ZC3H18: variants seen among roughly 807,000 people sequenced by gnomAD.
The protein encoded by ZC3H18 is zinc finger CCCH domain-containing protein 18.
Under a neutral mutation model 106.1 loss-of-function variants are expected in ZC3H18, and 8 were observed. The ratio of observed to expected loss-of-function variants is 0.08; its 90% CI spans 0.04 to 0.14. The LOEUF (loss-of-function observed/expected upper bound fraction) is 0.14. Among genes scored for constraint, ZC3H18 ranks in the 10% least tolerant of loss-of-function variants. ZC3H18 has a pLI of 1.00. For synonymous variants in ZC3H18, 635 were observed against 522.1 expected, an observed-to-expected ratio of 1.22 and a Z score of -2.95; for missense variants, 1,318 against 1,278.4, an observed-to-expected ratio of 1.03 and a Z score of -0.47.
At chr16:88,576,504 T>G (rs1467375540) in intron 1 of ZC3H18, among the ~76,000 whole-genome samples, 1 of 152,008 alleles carries the variant, frequency 6.6e-6, no homozygotes, top group African/African-American at 2.4e-5. Flanking sequence ...GAGGGGCCAG[T>G]GAACACGCAG....
rs560418418 is a variant in ZC3H18 at position 88,624,177 on chromosome 16, C to T, written c.1898+115C>T. 2.8e-6 allele frequency: 4 copies of T among 1,436,332 alleles called. No homozygotes were observed. The South Asian group carries it at 3.9e-5, about 14-fold the overall frequency. 89.0% of individuals were successfully genotyped at this position (1,436,332 alleles called of 1,614,324 possible). A position where few individuals can be genotyped will look rare whatever the true frequency, so the allele number is the denominator to read the frequency against. On this transcript the variant is annotated intron_variant, in intron 11 of 17. Transcript: ENST00000301011. ...TGGGACCAAAGAGGTGAGGATGCCT[C>T]AGGGGGCTGGCCCCAGGGGGTGACT...
At chr16:88,596,733 G>A (rs982888562) in intron 3 of ZC3H18, among the ~76,000 whole-genome samples, 3 of 152,166 alleles carry the variant, frequency 2.0e-5, no homozygotes, top group Non-Finnish European at 4.4e-5. Flanking sequence ...TTTACAATGA[G>A]CTTTTGTTAC....
intron 8 of ZC3H18, 50 bp downstream of exon 8, chr16:88,611,586 A>C (rs1344149340): frequency 6.5e-7 from 1 of 1,530,644 alleles, no homozygotes; most frequent in African/African-American, 1.4e-5. Context: ...TCCGGCATGC[A>C]GCTCTGTACC....
intron 3 of ZC3H18, 65 bp downstream of exon 3, chr16:88,586,749 C>A: frequency 1.5e-6 from 2 of 1,311,074 alleles, no homozygotes; most frequent in Non-Finnish European, 1.1e-6. Context: ...GGCTGTGGTG[C>A]TGGCTCACCT....
chr16:88,578,319 A>C (rs1220887795), intron 2 of ZC3H18, among the ~76,000 whole-genome samples: 1 of 152,144 alleles, frequency 6.6e-6, no homozygotes, highest in Non-Finnish European at 1.5e-5. Flanking sequence ...TTTGTACATT[A>C]AATTAATGTG....
intron 3 of ZC3H18, among the ~76,000 whole-genome samples, chr16:88,587,844 G>A (rs1309528745): frequency 6.6e-6 from 1 of 152,224 alleles, no homozygotes; most frequent in African/African-American, 2.4e-5. Context: ...TCATTCAGAG[G>A]CAGGCTGTGC....
At chr16:88,592,080 G>A (rs7192603) in intron 3 of ZC3H18, among the ~76,000 whole-genome samples, 1 of 152,334 alleles carries the variant, frequency 6.6e-6, no homozygotes, top group South Asian at 2.1e-4. Flanking sequence ...TATGTTTCAT[G>A]TTTTGAGGAG....
At chr16:88,572,864 TCTCCTGC>T (rs1456389612) in intron 1 of ZC3H18, among the ~76,000 whole-genome samples, 1 of 152,016 alleles carries the variant, frequency 6.6e-6, no homozygotes, top group East Asian at 1.9e-4. Flanking sequence ...TTCAAGTGAT[TCTCCTGC>T]CTCAGCCTCC....
chr16:88,584,744 T>A (rs1385289662), intron 2 of ZC3H18, among the ~76,000 whole-genome samples: 3 of 152,344 alleles, frequency 2.0e-5, no homozygotes, highest in African/African-American at 7.2e-5. Flanking sequence ...GGGTCCTCCC[T>A]CCAATCTTAA....
chr16:88,606,999 A>C (rs1408508944), intron 6 of ZC3H18, among the ~76,000 whole-genome samples: 1 of 152,058 alleles, frequency 6.6e-6, no homozygotes, highest in Non-Finnish European at 1.5e-5. Context: ...TCCTATTGCT[A>C]GTGTACACTT....
intron 2 of ZC3H18, among the ~76,000 whole-genome samples, chr16:88,582,351 A>G (rs970392954): frequency 6.8e-6 from 1 of 146,632 alleles, no homozygotes; most frequent in Non-Finnish European, 1.5e-5. Flanking sequence ...TAGCCTCCCG[A>G]TTAGCTGGGA....
intron 11 of ZC3H18, 37 bp downstream of exon 11, chr16:88,624,099 A>C (rs921239208): frequency 6.3e-7 from 1 of 1,596,350 alleles, no homozygotes; most frequent in Non-Finnish European, 8.5e-7. Flanking sequence ...CTGGCCGGCC[A>C]GGCCTCCACA....
Position 88,598,365 on chromosome 16 carries a change from C to T in ZC3H18, c.837+39C>T, listed in dbSNP as rs887994918. On this transcript the variant is annotated intron_variant, in intron 4 of 17. Transcript: ENST00000301011. ...CTTCTTTCATTGTTAGCACATCAGC[C>T]AACTGAGCTGTGTCTGAATCTCAAG... The T allele has an allele frequency of 2.5e-6, 4 of 1,571,458 alleles. No homozygotes were observed. The African/African-American group carries it at 5.5e-5, about 22-fold the overall frequency.
chr16:88,621,467 G>A (rs997935072), intron 8 of ZC3H18, among the ~76,000 whole-genome samples: 68 of 152,002 alleles, frequency 4.5e-4, no homozygotes, highest in Admixed American at 1.1e-3. Context: ...CTCGTGATTC[G>A]CCCGCCTCGG....
At chr16:88,584,848 T>C (rs1915342951) in intron 2 of ZC3H18, among the ~76,000 whole-genome samples, 1 of 152,240 alleles carries the variant, frequency 6.6e-6, no homozygotes, top group Admixed American at 6.5e-5. Flanking sequence ...TTGTTTCCTA[T>C]TCATCCTGAT....
intron 1 of ZC3H18, among the ~76,000 whole-genome samples, chr16:88,575,492 G>A (rs1031659662): frequency 6.6e-6 from 1 of 152,014 alleles, no homozygotes; most frequent in African/African-American, 2.4e-5. Context: ...TCACTTGGTG[G>A]TGACTAGCTG....
chr16:88,597,366 A>G (rs1048325425), intron 3 of ZC3H18, among the ~76,000 whole-genome samples: 6 of 152,244 alleles, frequency 3.9e-5, no homozygotes, highest in Admixed American at 3.9e-4. Context: ...GTTTAAGGTT[A>G]AAATTTTAAA....
Position 88,622,449 on chromosome 16 carries a change from T to C in ZC3H18, c.1667+61T>C, listed in dbSNP as rs1329513531. ...ACCTTGGAGCCGTCAGCTGACACCA[T>C]GTACCTCACTGGGTCAGGTGGGGAA... On this transcript the variant is annotated intron_variant, in intron 9 of 17. Transcript: ENST00000301011. 2.7e-6 allele frequency: 4 copies of C among 1,495,712 alleles called. No homozygotes were observed. The African/African-American group carries it at 4.2e-5, about 16-fold the overall frequency. 92.7% of individuals were successfully genotyped at this position (1,495,712 alleles called of 1,614,324 possible).
chr16:88,573,454 T>C (rs2142512574), intron 1 of ZC3H18, among the ~76,000 whole-genome samples: 1 of 152,178 alleles, frequency 6.6e-6, no homozygotes, highest in Middle Eastern at 3.4e-3. Flanking sequence ...GCAGCCTTGG[T>C]GCTTTTCATC....
Sources: allele counts gnomAD v4.1 joint callset (sites outside exome capture counted in the v4.1 genomes callset), GRCh38; gene constraint gnomAD v4.1.1; transcripts MANE v1.5; gene names NCBI Gene and HGNC (gene_info 2026-07-23, HGNC 2026-07-21).